CHODL: variants seen among roughly 807,000 people sequenced by gnomAD.
CHODL encodes the protein transmembrane protein MT75.
Under a neutral mutation model 34.5 loss-of-function variants are expected in CHODL, and 29 were observed. The ratio of observed to expected loss-of-function variants is 0.84; its 90% CI spans 0.63 to 1.15. The LOEUF (loss-of-function observed/expected upper bound fraction) is 1.15. CHODL is among the 50% of genes most tolerant of loss of function. CHODL has a pLI of 0.00. For synonymous variants in CHODL, 125 were observed against 116.1 expected (o/e 1.08, Z -0.49); for missense variants, 332 against 332.5 (o/e 1.00, Z 0.01).
At chr21:18,176,330 A>G (rs1323236616) in intron 2 of CHODL, among the ~76,000 whole-genome samples, 2 of 152,204 alleles carry the variant, frequency 1.3e-5, no homozygotes, top group Non-Finnish European at 2.9e-5. Context: ...TCTGTTAGTT[A>G]TATCTGTTTC....
chr21:18,262,168 T>C (rs2074390075), intron 4 of CHODL, among the ~76,000 whole-genome samples: 1 of 152,208 alleles, frequency 6.6e-6, no homozygotes, highest in Admixed American at 6.5e-5. Flanking sequence ...GATATCAAAT[T>C]GGAACAGTTT....
intron 1 of CHODL, among the ~76,000 whole-genome samples, chr21:17,938,126 G>C (rs184544940): frequency 1.4e-4 from 22 of 152,186 alleles, no homozygotes; most frequent in Admixed American, 7.2e-4. Flanking sequence ...CCCACTGCTG[G>C]GGCTGATATT....
intron 2 of CHODL, among the ~76,000 whole-genome samples, chr21:18,059,904 G>A (rs1250039969): frequency 1.3e-5 from 2 of 152,000 alleles, no homozygotes; most frequent in Non-Finnish European, 2.9e-5. Context: ...TCTGTAATCT[G>A]AGTCAGAGCC....
At chr21:18,235,250 G>A (rs66529453) in intron 2 of CHODL, among the ~76,000 whole-genome samples, 18,976 of 152,060 alleles carry the variant, frequency 0.12, 1,562 homozygotes, top group African/African-American at 0.23. Flanking sequence ...AAGCTTTAGA[G>A]CAGATGAATA....
chr21:18,149,968 C>T (rs371970068), intron 2 of CHODL, among the ~76,000 whole-genome samples: 3 of 152,160 alleles, frequency 2.0e-5, no homozygotes, highest in East Asian at 3.9e-4. Flanking sequence ...GTCGTGAGAA[C>T]ATGTGCCCAA....
intron 2 of CHODL, among the ~76,000 whole-genome samples, chr21:18,111,206 G>A (rs2065346828): frequency 6.6e-6 from 1 of 152,162 alleles, no homozygotes; most frequent in South Asian, 2.1e-4. Flanking sequence ...ATTCCCGTTT[G>A]TGTAAGGAGA....
In CHODL at chr21:17,992,359, T is replaced by C. The variant is rs375887801; in HGVS notation, c.-144-35513T>C. Among the ~76,000 whole-genome samples the C allele has an allele frequency of 2.9e-4, 44 of 152,310 alleles. 1 individual carries two copies. In the South Asian group the frequency reaches 8.7e-3, roughly 30 times the overall value. The stretch of plus-strand genomic sequence containing the variant: ...TTTCTATGAAGACTATCATTGATAT[T>C]TTGATAGTGATTACATTGAATCTGT... On this transcript the variant is annotated intron_variant, in intron 1 of 6. Transcript: ENST00000400127.
chr21:17,952,590 C>T (rs1263009193), intron 1 of CHODL, among the ~76,000 whole-genome samples: 1 of 152,138 alleles, frequency 6.6e-6, no homozygotes, highest in Non-Finnish European at 1.5e-5. Context: ...GGAATTTTTT[C>T]AGGTTGAGGA....
intron 1 of CHODL, among the ~76,000 whole-genome samples, chr21:17,989,178 A>G (rs2063778082): frequency 6.6e-6 from 1 of 152,178 alleles, no homozygotes; most frequent in South Asian, 2.1e-4. Flanking sequence ...CTGGTTCTGG[A>G]TCCCTGAACA....
At chr21:18,119,469 A>G (rs2065453455) in intron 2 of CHODL, among the ~76,000 whole-genome samples, 1 of 152,026 alleles carries the variant, frequency 6.6e-6, no homozygotes. Flanking sequence ...GGAGAAAGAA[A>G]CTCCAATAAA....
intron 2 of CHODL, among the ~76,000 whole-genome samples, chr21:18,029,713 T>G (rs973959665): frequency 7.9e-5 from 12 of 152,118 alleles, no homozygotes; most frequent in African/African-American, 2.9e-4. Flanking sequence ...TAGGCATTCC[T>G]GTCTCAATGC....
At chr21:17,936,044 A>G (rs2063316320) in intron 1 of CHODL, among the ~76,000 whole-genome samples, 1 of 145,636 alleles carries the variant, frequency 6.9e-6, no homozygotes, top group Non-Finnish European at 1.5e-5. Flanking sequence ...GGGTGAAGAA[A>G]CATGAAGCAG....
intron 1 of CHODL, among the ~76,000 whole-genome samples, chr21:18,248,579 G>A (rs1450367908): frequency 2.9e-5 from 4 of 135,680 alleles, no homozygotes; most frequent in Middle Eastern, 4.8e-3. Context: ...AAAAGGTAAT[G>A]TATTTTATAT....
At chr21:18,171,355 C>T (rs959269514) in intron 2 of CHODL, among the ~76,000 whole-genome samples, 6 of 149,030 alleles carry the variant, frequency 4.0e-5, no homozygotes, top group African/African-American at 1.5e-4. Flanking sequence ...TACAGGCGCC[C>T]GCCACCGCGC....
intron 2 of CHODL, among the ~76,000 whole-genome samples, chr21:18,165,221 C>T (rs2073138417): frequency 6.6e-6 from 1 of 152,226 alleles, no homozygotes. Flanking sequence ...AACTGCTGTA[C>T]TCATACAAGC....
intron 2 of CHODL, among the ~76,000 whole-genome samples, chr21:18,136,085 G>A (rs1177724363): frequency 1.9e-5 from 2 of 107,272 alleles, no homozygotes; most frequent in Admixed American, 1.3e-4. Flanking sequence ...CCAGCCTAGC[G>A]ACAGAGCAAG....
rs540690923 is a variant in CHODL at position 17,942,194 on chromosome 21, G to A, written c.-145+24794G>A. On this transcript the variant is annotated intron_variant, in intron 1 of 6. Transcript: ENST00000400127. ...ATAAGATAATTTGTTTGGAAACATG[G>A]GCAAAAGAAGTGATGTTTAAACATA... Among the ~76,000 whole-genome samples, 8 of 152,250 alleles carry A rather than the reference G, an allele frequency of 5.3e-5. No homozygotes were observed. In the East Asian group the frequency reaches 1.5e-3, roughly 29 times the overall value.
intron 2 of CHODL, among the ~76,000 whole-genome samples, chr21:18,234,399 C>T (rs1292805024): frequency 6.6e-6 from 1 of 151,960 alleles, no homozygotes; most frequent in African/African-American, 2.4e-5. Context: ...GCACAGCTGG[C>T]GTTTAAGCCA....
At chr21:18,165,872 G>T (rs371357861) in intron 2 of CHODL, among the ~76,000 whole-genome samples, 9 of 152,138 alleles carry the variant, frequency 5.9e-5, no homozygotes, top group African/African-American at 2.2e-4. Flanking sequence ...ATTTTAAGAT[G>T]AATTTTAAGT....
Sources: gnomAD v4.1 joint callset for allele counts (sites outside exome capture counted in the v4.1 genomes callset) on GRCh38, gnomAD v4.1.1 for gene constraint, MANE v1.5 for transcripts, NCBI Gene and HGNC (gene_info 2026-07-23, HGNC 2026-07-21) for gene names.